The following AKR1C3 variants were observed in gnomAD, a reference collection of about 807,000 sequenced individuals.
The protein encoded by AKR1C3 is 3-alpha hydroxysteroid dehydrogenase, type II.
AKR1C3 carries 48 observed loss-of-function variants against 43.6 expected under a neutral mutation model. The observed-to-expected ratio is 1.10, with a 90% CI of 0.87 to 1.40. The LOEUF (loss-of-function observed/expected upper bound fraction) is 1.40, where lower values mean the gene tolerates loss of function less well. Ranked by LOEUF, AKR1C3 falls within the 40% of genes most tolerant of loss-of-function variation. The probability of loss-of-function intolerance (pLI) is 0.00; values close to 1 mark genes in which losing one functional copy is unlikely to be tolerated. For synonymous variants in AKR1C3, 162 were observed against 139.6 expected (o/e 1.16, Z -1.13); for missense variants, 482 against 391.2 (o/e 1.23, Z -1.96).
In AKR1C3 at chr10:5,099,431, CA is replaced by C. The variant is rs782453260; in HGVS notation, c.554del (p.Lys185SerfsTer7). On this transcript the variant is annotated frameshift_variant, in exon 5 of 9. Transcript: ENST00000380554. LOFTEE classifies it high-confidence loss of function. Reference protein sequence around the residue: ...MILNKPGLKYKPVCNQVECHP... With the variant: ...MILNKPGLKYXPVCNQVECHP... ...TCCTCAACAAGCCAGGACTCAAGTA[CA>C]AGCCTGTCTGCAACCAGGTGAGCTC... 1 of 1,614,198 alleles carries C rather than the reference CA, an allele frequency of 6.2e-7. No homozygotes were observed. Among genetic ancestry groups the C allele is most frequent in the African/African-American group, 1.3e-5 (1 of 75,040 alleles).
At chr10:5,088,941 AT>A (rs1839029586) in intron 1 of AKR1C3, among the ~76,000 whole-genome samples, 1 of 151,962 alleles carries the variant, frequency 6.6e-6, no homozygotes, top group Admixed American at 6.6e-5. Context: ...GTATCATAAT[AT>A]TTTTATATTT....
At chr10:5,105,386 C>T (rs1588362220) in intron 7 of AKR1C3, 1 of 409,954 alleles carries the variant, frequency 2.4e-6, no homozygotes, top group Middle Eastern at 6.6e-4. Context: ...TGCAGAGTTG[C>T]ACAGTTTCAA....
At position 5,098,818 on chromosome 10, in the gene AKR1C3, C is replaced by G; in HGVS notation, c.386C>G (p.Ser129Ter). ...PMSLKPGEEL[S>*]PTDENGKVIF... ...CTATTTCAGCCAGGTGAGGAACTTT[C>G]ACCAACAGATGAAAATGGAAAAGTA... The change falls in exon 4 of 9, where the codon TCA becomes TGA. Residue 129 changes from serine to a stop codon, truncating the protein, a stop_gained. Coordinates refer to ENST00000380554, the MANE Select transcript of AKR1C3 (RefSeq NM_003739.6). LOFTEE classifies it high-confidence loss of function. The G allele has an allele frequency of 6.2e-7, 1 of 1,613,566 alleles. No individual in the cohort carries two copies. The highest frequency in any genetic ancestry group is 1.3e-5 in the African/African-American group (1 of 74,992).
intron 3 of AKR1C3, chr10:5,097,919 T>A: frequency 9.4e-7 from 1 of 1,059,482 alleles, no homozygotes; most frequent in Middle Eastern, 4.5e-4. Context: ...TGATGCACAA[T>A]GAGTTTCCAC....
chr10:5,097,817 G>A, intron 3 of AKR1C3: 2 of 1,189,998 alleles, frequency 1.7e-6, no homozygotes, highest in Non-Finnish European at 2.1e-6. Flanking sequence ...TCAAGGCACT[G>A]TCTTAGTTGT....
intron 1 of AKR1C3, among the ~76,000 whole-genome samples, chr10:5,067,387 A>G (rs1254493983): frequency 1.3e-5 from 2 of 152,206 alleles, no homozygotes; most frequent in Non-Finnish European, 2.9e-5. Flanking sequence ...AAGGGCTCCA[A>G]TGAGTGTACA....
intron 7 of AKR1C3, among the ~76,000 whole-genome samples, chr10:5,104,352 T>C (rs1041098186): frequency 5.3e-5 from 8 of 151,038 alleles, no homozygotes; most frequent in Admixed American, 2.0e-4. Flanking sequence ...CCAACAATTA[T>C]TGAAAAGCAT....
intron 1 of AKR1C3, among the ~76,000 whole-genome samples, chr10:5,062,249 C>T (rs544438675): frequency 1.2e-4 from 18 of 152,196 alleles, no homozygotes; most frequent in Non-Finnish European, 2.2e-4. Flanking sequence ...GAGGCTTTCT[C>T]AAGTCAGGTC....
chr10:5,060,786 G>GAC (rs149897397), intron 1 of AKR1C3, among the ~76,000 whole-genome samples: 47,577 of 151,932 alleles, frequency 0.31, 7,591 homozygotes, highest in East Asian at 0.41. Flanking sequence ...CCACAGAGGT[G>GAC]GGGAGGCTCA....
chr10:5,096,611 T>C, intron 2 of AKR1C3, 34 bp downstream of exon 2: 1 of 1,590,386 alleles, frequency 6.3e-7, no homozygotes, highest in Non-Finnish European at 8.6e-7. Flanking sequence ...TGTGCACATG[T>C]ATTTATTGTG....
intron 1 of AKR1C3, among the ~76,000 whole-genome samples, chr10:5,082,225 TC>T (rs1166387363): frequency 6.6e-6 from 1 of 152,168 alleles, no homozygotes; most frequent in African/African-American, 2.4e-5. Context: ...AATCCTGTCA[TC>T]AGCAAACAAA....
intron 1 of AKR1C3, among the ~76,000 whole-genome samples, chr10:5,071,816 A>ACAT (rs1838616606): frequency 6.6e-6 from 1 of 152,230 alleles, no homozygotes; most frequent in Non-Finnish European, 1.5e-5. Flanking sequence ...TGGCCCAAGC[A>ACAT]GCCCCTTCCT....
At chr10:5,056,365 G>GAGC (rs1160154178) in intron 1 of AKR1C3, among the ~76,000 whole-genome samples, 6 of 152,176 alleles carry the variant, frequency 3.9e-5, no homozygotes, top group Non-Finnish European at 7.3e-5. Flanking sequence ...GTATTTGAGA[G>GAGC]AGCAGGGTAT....
chr10:5,061,153 G>T (rs1838375585), intron 1 of AKR1C3, among the ~76,000 whole-genome samples: 1 of 152,202 alleles, frequency 6.6e-6, no homozygotes, highest in African/African-American at 2.4e-5. Context: ...AGGCCAAGGA[G>T]GCACCGAGAG....
In AKR1C3 at chr10:5,102,663, G is replaced by T. The variant is rs1198329686; in HGVS notation, c.846+13G>T. The stretch of plus-strand genomic sequence containing the variant: ...ACAGAACGTGCAGGTGAGGAGCGGG[G>T]CTGTGGGCCTCAGGTCTCCTGCACA... On this transcript the variant is annotated intron_variant, in intron 7 of 8. Coordinates refer to ENST00000380554, the MANE Select transcript of AKR1C3 (RefSeq NM_003739.6). The T allele has an allele frequency of 2.8e-6, 4 of 1,452,754 alleles. No individual in the cohort carries two copies. Among genetic ancestry groups the T allele is most frequent in the Non-Finnish European group, 2.7e-6 (3 of 1,100,128 alleles). The allele number at this position is 1,452,754 out of a possible 1,614,324, so 90.0% of individuals were successfully genotyped here.
intron 1 of AKR1C3, among the ~76,000 whole-genome samples, chr10:5,080,469 C>A (rs1838810322): frequency 1.3e-5 from 2 of 152,016 alleles, no homozygotes; most frequent in Admixed American, 6.5e-5. Flanking sequence ...AATAAAAATA[C>A]AAAAATTAGC....
At chr10:5,104,346 C>T (rs1839442493) in intron 7 of AKR1C3, among the ~76,000 whole-genome samples, 1 of 151,818 alleles carries the variant, frequency 6.6e-6, no homozygotes, top group African/African-American at 2.4e-5. Flanking sequence ...GTGCCACCAA[C>T]AATTATTGAA....
At chr10:5,085,921 ATC>A (rs1554783020) in intron 1 of AKR1C3, among the ~76,000 whole-genome samples, 1 of 151,712 alleles carries the variant, frequency 6.6e-6, no homozygotes, top group African/African-American at 2.4e-5. Flanking sequence ...CGGTGGTGAT[ATC>A]CCCTTTATCA....
At chr10:5,097,883 G>A in intron 3 of AKR1C3, 1 of 1,112,680 alleles carries the variant, frequency 9.0e-7, no homozygotes, top group Non-Finnish European at 1.1e-6. Flanking sequence ...ATGCAGTTGT[G>A]GTGCCCAATA....
Sources: gnomAD v4.1 joint callset for allele counts (sites outside exome capture counted in the v4.1 genomes callset) on GRCh38, gnomAD v4.1.1 for gene constraint, MANE v1.5 for transcripts, NCBI Gene and HGNC (gene_info 2026-07-23, HGNC 2026-07-21) for gene names.